Variants in TENM1 observed in about 807,000 individuals in gnomAD.
TENM1 encodes teneurin-1.
In TENM1, 35 loss-of-function variants were observed where a neutral mutation model predicts 174.8. The observed-to-expected ratio is 0.20, with a 90% CI of 0.15 to 0.27. TENM1 has a LOEUF of 0.27. Ranked by LOEUF, TENM1 falls within the 10% of genes least tolerant of loss-of-function variation. TENM1 has a pLI of 1.00. For missense variants in TENM1, 1,633 were observed against 2,130.1 expected, an observed-to-expected ratio of 0.77 and a Z score of 4.59; for synonymous variants, 781 against 798.7, an observed-to-expected ratio of 0.98 and a Z score of 0.37.
intron 3 of TENM1, among the ~76,000 whole-genome samples, chrX:124,810,252 A>T (rs956079974): frequency 1.8e-5 from 2 of 111,947 alleles, no homozygotes; most frequent in Non-Finnish European, 3.8e-5. Flanking sequence ...AGGCATCCAA[A>T]TTGAAAACAA....
rs768862866 is a variant in TENM1, at chrX:124,754,116, C to A, written c.536-16919G>T. 2.7e-5 allele frequency among the ~76,000 whole-genome samples: 3 copies of A among 111,372 alleles called. No homozygotes were observed. The South Asian group carries it at 1.2e-3, about 43-fold the overall frequency. On this transcript the variant is annotated intron_variant, in intron 3 of 31. Coordinates refer to ENST00000422452, the Ensembl canonical transcript of TENM1. ...GAATTCGGCTGTGAATCCATCTGGT[C>A]CTGGACTCTTTTCGTTGGTAAGCTA...
chrX:125,034,397 C>T, the TENM1 span, among the ~76,000 whole-genome samples: 2 of 111,303 alleles, frequency 1.8e-5, no homozygotes, highest in Middle Eastern at 4.6e-3. Flanking sequence ...AGTTACCTTG[C>T]TATAAAGGTA....
the TENM1 span, among the ~76,000 whole-genome samples, chrX:125,157,161 T>G: frequency 1.8e-5 from 2 of 112,336 alleles, no homozygotes; most frequent in African/African-American, 6.5e-5. Context: ...TTGTCTTTAT[T>G]TTTTAAAACT....
At chrX:124,676,284 A>C (rs2052080175) in intron 5 of TENM1, among the ~76,000 whole-genome samples, 1 of 37,106 alleles carries the variant, frequency 2.7e-5, no homozygotes, top group Admixed American at 2.9e-4. Context: ...ATATATATAT[A>C]TATATATATA....
chrX:124,959,914 C>G (rs746816322), intron 1 of TENM1, among the ~76,000 whole-genome samples: 1 of 111,652 alleles, frequency 9.0e-6, no homozygotes, highest in East Asian at 2.8e-4. Context: ...ACCTCTAATG[C>G]GATTCTTAGC....
At chrX:124,750,494 A>G (rs2054036853) in intron 3 of TENM1, among the ~76,000 whole-genome samples, 1 of 111,817 alleles carries the variant, frequency 8.9e-6, no homozygotes, top group Admixed American at 9.5e-5. Flanking sequence ...TAGTGTTTTT[A>G]TTTTTGGCCC....
intron 22 of TENM1, among the ~76,000 whole-genome samples, chrX:124,481,346 G>A (rs749926885): frequency 9.0e-6 from 1 of 111,093 alleles, no homozygotes; most frequent in East Asian, 2.8e-4. Flanking sequence ...CAAAGCAGGG[G>A]TCTGCAGGCT....
chrX:125,121,067 G>A, the TENM1 span, among the ~76,000 whole-genome samples: 3 of 111,659 alleles, frequency 2.7e-5, no homozygotes, highest in African/African-American at 6.5e-5. Flanking sequence ...TCATGATTTA[G>A]CAATATCAAG....
chrX:124,509,845 C>T (rs965435461), intron 18 of TENM1, among the ~76,000 whole-genome samples: 2 of 107,910 alleles, frequency 1.9e-5, no homozygotes, highest in African/African-American at 6.8e-5. Context: ...CTCAGCCTCC[C>T]GAGTAGTTGG....
chrX:125,193,696 T>C, the TENM1 span, among the ~76,000 whole-genome samples: 1 of 111,720 alleles, frequency 9.0e-6, no homozygotes. Flanking sequence ...ATATACTCTC[T>C]AGCTAAGCTC....
At chrX:125,180,952 G>T in the TENM1 span, among the ~76,000 whole-genome samples, 3 of 111,501 alleles carry the variant, frequency 2.7e-5, no homozygotes, top group African/African-American at 9.8e-5. Flanking sequence ...TCACATGCCT[G>T]GTCCTAGTAT....
At chrX:124,463,720 G>A (rs750662621) in intron 22 of TENM1, among the ~76,000 whole-genome samples, 92 of 111,022 alleles carry the variant, frequency 8.3e-4, no homozygotes, top group Non-Finnish European at 1.4e-3. Context: ...GTTCCATGCC[G>A]TGCAACTCGC....
chrX:124,487,140 A>G (rs1602521270), intron 21 of TENM1, 69 bp downstream of exon 24: 2 of 1,032,398 alleles, frequency 1.9e-6, no homozygotes, highest in East Asian at 6.6e-5. Context: ...TTCCCTATTA[A>G]CACATTATCA....
At chrX:125,203,785 C>G in the TENM1 span, 3 of 112,610 alleles carry the variant, frequency 2.7e-5, no homozygotes, top group Admixed American at 2.8e-4. Context: ...GGGGTGGGAG[C>G]CAGGAGAAAC....
rs377303902 is a variant in TENM1 at position 124,876,698 on chromosome X, T to C, written c.535+17598A>G. ...CTACTTCTTTTGGTTTAAGTAGTTC[T>C]TTGGAAGTTTTATTTCTATTTTACA... On this transcript the variant is annotated intron_variant, in intron 3 of 31. Transcript: ENST00000422452. 8.0e-5 allele frequency among the ~76,000 whole-genome samples: 9 copies of C among 112,152 alleles called. No individual in the cohort carries two copies. The East Asian group carries it at 2.5e-3, about 31-fold the overall frequency.
At chrX:124,808,590 T>C (rs2055677872) in intron 3 of TENM1, among the ~76,000 whole-genome samples, 1 of 112,007 alleles carries the variant, frequency 8.9e-6, no homozygotes, top group Non-Finnish European at 1.9e-5. Context: ...ATAAAACCAG[T>C]CAACAAATTT....
intron 4 of TENM1, among the ~76,000 whole-genome samples, chrX:124,732,929 G>T (rs1416994186): frequency 9.0e-6 from 1 of 111,608 alleles, no homozygotes; most frequent in Admixed American, 9.5e-5. Flanking sequence ...GCGTTCCCGG[G>T]GACTGACAAC....
chrX:124,504,891 G>GTGTGCA (rs3028392), intron 18 of TENM1, among the ~76,000 whole-genome samples: 7 of 110,611 alleles, frequency 6.3e-5, no homozygotes, highest in Admixed American at 2.9e-4. Flanking sequence ...ACTGATTTGT[G>GTGTGCA]TGTGCATGTG....
intron 11 of TENM1, among the ~76,000 whole-genome samples, chrX:124,631,570 T>A (rs1020451632): frequency 6.3e-5 from 7 of 111,367 alleles, no homozygotes; most frequent in Non-Finnish European, 7.5e-5. Context: ...TGGGTTCTTA[T>A]ATTCAAGAAG....
Sources: gnomAD v4.1 joint callset for allele counts (sites outside exome capture counted in the v4.1 genomes callset) on GRCh38, gnomAD v4.1.1 for gene constraint, MANE v1.5 for transcripts, NCBI Gene and HGNC (gene_info 2026-07-23, HGNC 2026-07-21) for gene names.